Variants in CCSER1 observed in about 807,000 individuals in gnomAD.
CCSER1 encodes serine-rich coiled-coil domain-containing protein 1.
CCSER1 carries 41 observed loss-of-function variants against 82.0 expected under a neutral mutation model. The observed-to-expected ratio is 0.50, with a 90% CI of 0.39 to 0.65. The LOEUF is 0.65. Among genes scored for constraint, CCSER1 ranks in the 30% least tolerant of loss-of-function variants. The probability of loss-of-function intolerance (pLI) is 0.00; values close to 1 mark genes in which losing one functional copy is unlikely to be tolerated. For missense variants in CCSER1, 1,119 were observed against 1,064.2 expected (o/e 1.05, Z -0.72); for synonymous variants, 414 against 383.9 (o/e 1.08, Z -0.92).
chr4:91,233,628 C>T (rs1738785264), intron 10 of CCSER1, among the ~76,000 whole-genome samples: 1 of 151,890 alleles, frequency 6.6e-6, no homozygotes, highest in Non-Finnish European at 1.5e-5. Flanking sequence ...TTGTCTTACA[C>T]AAAGGTTGAT....
chr4:91,363,356 T>G (rs1194480799), intron 10 of CCSER1, among the ~76,000 whole-genome samples: 2 of 11,940 alleles, frequency 1.7e-4, no homozygotes, highest in Non-Finnish European at 3.9e-4. Context: ...ATGGAGATAT[T>G]TTGTGTGTGT....
chr4:90,733,705 G>T (rs539838897), intron 7 of CCSER1, among the ~76,000 whole-genome samples: 1 of 152,150 alleles, frequency 6.6e-6, no homozygotes, highest in Non-Finnish European at 1.5e-5. Flanking sequence ...TTTTGTATAT[G>T]ATCAGAGATA....
At chr4:90,590,580 C>CA (rs879394237) in intron 5 of CCSER1, among the ~76,000 whole-genome samples, 122 of 136,396 alleles carry the variant, frequency 8.9e-4, no homozygotes, top group Admixed American at 1.5e-3. Context: ...AACTTGGTCT[C>CA]AAAAAAAAAA....
chr4:90,303,803 G>A (rs1196452504), intron 1 of CCSER1, among the ~76,000 whole-genome samples: 1 of 151,958 alleles, frequency 6.6e-6, no homozygotes, highest in Non-Finnish European at 1.5e-5. Flanking sequence ...TGACAAATGG[G>A]ATCTAATTAA....
chr4:90,569,914 G>A (rs532119490), intron 5 of CCSER1, among the ~76,000 whole-genome samples: 23 of 152,226 alleles, frequency 1.5e-4, no homozygotes, highest in South Asian at 4.2e-4. Flanking sequence ...AGATTCCACC[G>A]CCCCCATCTG....
chr4:90,602,841 T>TC (rs1160433844), intron 5 of CCSER1, among the ~76,000 whole-genome samples: 6 of 152,106 alleles, frequency 3.9e-5, no homozygotes, highest in African/African-American at 1.2e-4. Context: ...TAACAAACCT[T>TC]CCCAACCTTT....
intron 9 of CCSER1, among the ~76,000 whole-genome samples, chr4:91,039,254 G>T (rs1194187598): frequency 6.6e-6 from 1 of 151,150 alleles, no homozygotes; most frequent in African/African-American, 2.4e-5. Context: ...TGTTGCCCAG[G>T]CTGGTCTCAA....
intron 6 of CCSER1, among the ~76,000 whole-genome samples, chr4:90,636,025 T>G (rs1725356621): frequency 6.6e-6 from 1 of 151,764 alleles, no homozygotes; most frequent in Non-Finnish European, 1.5e-5. Context: ...AAATTGATTC[T>G]TTGAAAAAGT....
intron 8 of CCSER1, among the ~76,000 whole-genome samples, chr4:90,839,737 A>C (rs1331170649): frequency 6.6e-6 from 1 of 152,204 alleles, no homozygotes; most frequent in African/African-American, 2.4e-5. Context: ...CTGTTGTTGA[A>C]GTAAAGGTGC....
At chr4:91,305,768 A>G (rs1235543983) in intron 10 of CCSER1, among the ~76,000 whole-genome samples, 1 of 151,930 alleles carries the variant, frequency 6.6e-6, no homozygotes, top group Non-Finnish European at 1.5e-5. Context: ...ATGGACTCAT[A>G]GTTCCACATG....
intron 1 of CCSER1, among the ~76,000 whole-genome samples, chr4:90,169,774 T>C (rs1487409628): frequency 6.6e-6 from 1 of 151,744 alleles, no homozygotes; most frequent in Non-Finnish European, 1.5e-5. Flanking sequence ...TTAGCCTTTG[T>C]CTACATTCTT....
intron 9 of CCSER1, among the ~76,000 whole-genome samples, chr4:90,936,488 C>T (rs1667792912): frequency 1.3e-5 from 2 of 152,036 alleles, no homozygotes; most frequent in South Asian, 4.1e-4. Flanking sequence ...TTTTTGTCCA[C>T]TTCACATCAC....
chr4:90,527,222 A>T (rs922133178), intron 5 of CCSER1, among the ~76,000 whole-genome samples: 1 of 152,210 alleles, frequency 6.6e-6, no homozygotes, highest in Admixed American at 6.5e-5. Context: ...TAATATCCAG[A>T]ATCTACAAGG....
At chr4:91,097,536 A>G (rs998521359) in intron 10 of CCSER1, among the ~76,000 whole-genome samples, 6 of 152,244 alleles carry the variant, frequency 3.9e-5, no homozygotes, top group Admixed American at 2.6e-4. Context: ...AATATTTTAG[A>G]TAGTTTATAC....
At chr4:90,530,427 G>C (rs758483474) in intron 5 of CCSER1, among the ~76,000 whole-genome samples, 1 of 152,128 alleles carries the variant, frequency 6.6e-6, no homozygotes, top group African/African-American at 2.4e-5. Context: ...AATAGTAAAA[G>C]TACAGAGATT....
At position 91,496,234 on chromosome 4, in the gene CCSER1, C is replaced by T. The variant is rs143647762; in HGVS notation, c.2218-102338C>T. 2.6e-5 allele frequency among the ~76,000 whole-genome samples: 4 copies of T among 151,302 alleles called. No individual in the cohort carries two copies. The East Asian group carries it at 5.8e-4, about 22-fold the overall frequency. On this transcript the variant is annotated intron_variant, in intron 10 of 10. Transcript: ENST00000509176. ...ATACAGTAAAAACAGAATCATTAAA[C>T]GTATTGAAATATGAGGCTTTGGTTG...
chr4:90,373,410 A>G lies in CCSER1; in HGVS notation c.1510-26626A>G, dbSNP rs533697065. On this transcript the variant is annotated intron_variant, in intron 3 of 10. Coordinates refer to ENST00000509176, the MANE Select transcript of CCSER1 (RefSeq NM_001145065.2). Reference sequence around the variant, plus strand: ...TGTGGAAAATATAGCACTGGAGAGTATTAAAGACTTGCCAAACTTAATATG... The same window carrying G: ...TGTGGAAAATATAGCACTGGAGAGTGTTAAAGACTTGCCAAACTTAATATG... 9.7e-4 allele frequency among the ~76,000 whole-genome samples: 147 copies of G among 152,316 alleles called. 1 individual carries two copies. The highest frequency in any genetic ancestry group is 1.6e-3 in the Non-Finnish European group (108 of 68,022).
rs539677458 is a variant in CCSER1, at chr4:90,811,638, G to C, written c.2011-4124G>C. On this transcript the variant is annotated intron_variant, in intron 7 of 10. Coordinates refer to ENST00000509176, the MANE Select transcript of CCSER1 (RefSeq NM_001145065.2). ...TTCCAGATTTGGTTCAAAGTGAGTA[G>C]CAGCTGAGCGTATATGATGGCTTCC... is the stretch of plus-strand genomic sequence containing the variant. 2.0e-5 allele frequency among the ~76,000 whole-genome samples: 3 copies of C among 152,258 alleles called. No individual in the cohort carries two copies. In the East Asian group the frequency reaches 5.8e-4, roughly 29 times the overall value.
intron 8 of CCSER1, among the ~76,000 whole-genome samples, chr4:90,903,854 G>A: frequency 7.0e-6 from 1 of 142,760 alleles, no homozygotes; most frequent in Admixed American, 6.9e-5. Context: ...AAAAAAAATA[G>A]GTAAGACAGG....
Sources: gnomAD v4.1 joint callset for allele counts (sites outside exome capture counted in the v4.1 genomes callset) on GRCh38, gnomAD v4.1.1 for gene constraint, MANE v1.5 for transcripts, NCBI Gene and HGNC (gene_info 2026-07-23, HGNC 2026-07-21) for gene names.